GALNT2: variants seen among roughly 807,000 people sequenced by gnomAD.
GALNT2 encodes the protein polypeptide N-acetylgalactosaminyltransferase 2.
GALNT2 carries 31 observed loss-of-function variants against 81.4 expected under a neutral mutation model. The ratio of observed to expected loss-of-function variants is 0.38; its 90% CI spans 0.29 to 0.51. The LOEUF (loss-of-function observed/expected upper bound fraction) is 0.51. Ranked by LOEUF, GALNT2 falls within the 20% of genes least tolerant of loss-of-function variation. GALNT2 has a pLI of 0.87. For missense variants in GALNT2, 629 were observed against 765.7 expected, an observed-to-expected ratio of 0.82 and a Z score of 2.11; for synonymous variants, 303 against 287.4, an observed-to-expected ratio of 1.05 and a Z score of -0.55.
rs1660740959 is a variant in GALNT2 at position 230,112,734 on chromosome 1, G to C, written c.126+45328G>C. On this transcript the variant is annotated intron_variant, in intron 1 of 15. Transcript: ENST00000366672. Reference sequence around the variant, plus strand: ...GCGCAGTTGTGCTGCGGAGATTCCTGCTCTGCAGCTTGTCTGCTGTGGATT... The same window carrying C: ...GCGCAGTTGTGCTGCGGAGATTCCTCCTCTGCAGCTTGTCTGCTGTGGATT... Among the ~76,000 whole-genome samples the C allele has an allele frequency of 2.0e-5, 3 of 147,580 alleles. No homozygotes were observed. In the Admixed American group the frequency reaches 2.1e-4, roughly 11 times the overall value.
At position 230,223,913 on chromosome 1, in the gene GALNT2, A is replaced by G. The variant is rs2102725050; in HGVS notation, c.375-12101A>G. Among the ~76,000 whole-genome samples, 3 of 152,346 alleles carry G rather than the reference A, an allele frequency of 2.0e-5. No individual in the cohort carries two copies. In the Middle Eastern group the frequency reaches 0.01, roughly 518 times the overall value. On this transcript the variant is annotated intron_variant, in intron 3 of 15. Transcript: ENST00000366672. ...ACAATCAGAACTGCTCAGGGGTCCCACAGACTCCATTATCTGGCCCAGCTT... is the reference window on the plus strand; with the variant it reads ...ACAATCAGAACTGCTCAGGGGTCCCGCAGACTCCATTATCTGGCCCAGCTT...
At chr1:230,200,275 G>T (rs1362303761) in intron 2 of GALNT2, among the ~76,000 whole-genome samples, 1 of 152,100 alleles carries the variant, frequency 6.6e-6, no homozygotes, top group East Asian at 1.9e-4. Flanking sequence ...TGTTGGCCAG[G>T]CTGGTCTCGA....
intron 11 of GALNT2, chr1:230,259,419 C>T (rs997282680): frequency 1.3e-5 from 2 of 152,184 alleles, no homozygotes; most frequent in Non-Finnish European, 2.9e-5. Context: ...AAAGCAAAGG[C>T]GTCACTGTGA....
At chr1:230,142,545 C>T (rs1026373497) in intron 1 of GALNT2, among the ~76,000 whole-genome samples, 4 of 152,090 alleles carry the variant, frequency 2.6e-5, no homozygotes, top group Admixed American at 2.6e-4. Flanking sequence ...TACCTACCTC[C>T]TAGGGCTCTT....
At chr1:230,167,770 G>C (rs150964966) in intron 1 of GALNT2, among the ~76,000 whole-genome samples, 200 of 152,326 alleles carry the variant, frequency 1.3e-3, no homozygotes, top group African/African-American at 4.5e-3. Flanking sequence ...GGCTGACGAG[G>C]CTGCCTCCTG....
chr1:230,125,131 C>T (rs945529765), intron 1 of GALNT2, among the ~76,000 whole-genome samples: 4 of 152,236 alleles, frequency 2.6e-5, no homozygotes, highest in Admixed American at 6.5e-5. Flanking sequence ...GCTTCCCAAG[C>T]CTGGTTATGC....
At chr1:230,230,089 A>G (rs1421869665) in intron 3 of GALNT2, among the ~76,000 whole-genome samples, 2 of 152,196 alleles carry the variant, frequency 1.3e-5, no homozygotes, top group African/African-American at 2.4e-5. Context: ...TCTAAACTTT[A>G]TGCGTGAAAT....
chr1:230,265,024 T>C, intron 13 of GALNT2: 2 of 508,350 alleles, frequency 3.9e-6, no homozygotes, highest in South Asian at 6.3e-5. Flanking sequence ...AGAATACTTC[T>C]GCAACATACA....
rs184552473 is a variant in GALNT2, at chr1:230,239,042, T to A, written c.607+2317T>A. 2.9e-3 allele frequency among the ~76,000 whole-genome samples: 446 copies of A among 152,300 alleles called. 2 individuals are homozygous for A. Among genetic ancestry groups the A allele is most frequent in the African/African-American group, 0.01 (426 of 41,574 alleles). On this transcript the variant is annotated intron_variant, in intron 6 of 15. Coordinates refer to ENST00000366672, the MANE Select transcript of GALNT2 (RefSeq NM_004481.5). ...TATAGGCGTATTCAGATCTGCTGTTTCTTTTTGTGTCTGTTTCAAGAAATT... is the reference window on the plus strand; with the variant it reads ...TATAGGCGTATTCAGATCTGCTGTTACTTTTTGTGTCTGTTTCAAGAAATT...
upstream of GALNT2, among the ~76,000 whole-genome samples, chr1:230,063,224 T>C (rs1187839867): frequency 1.3e-5 from 2 of 150,498 alleles, no homozygotes; most frequent in African/African-American, 4.9e-5. Flanking sequence ...GGCAGGAGAA[T>C]GGCTTGACCC....
At chr1:230,255,149 G>C in intron 10 of GALNT2, 69 bp from the exon 11 acceptor site, 1 of 1,610,300 alleles carries the variant, frequency 6.2e-7, no homozygotes, top group East Asian at 2.2e-5. Flanking sequence ...GTACCTGCTT[G>C]GTGTGTCTGC....
intron 15 of GALNT2, among the ~76,000 whole-genome samples, chr1:230,278,768 T>G (rs1400887970): frequency 1.3e-5 from 2 of 152,176 alleles, no homozygotes; most frequent in African/African-American, 4.8e-5. Context: ...CAACCATCTC[T>G]CTTCCTGACA....
chr1:230,121,070 C>G (rs764417034), intron 1 of GALNT2, among the ~76,000 whole-genome samples: 1 of 152,208 alleles, frequency 6.6e-6, no homozygotes, highest in Non-Finnish European at 1.5e-5. Context: ...GGCCACGTAC[C>G]CTTTCCTGAT....
At chr1:230,267,059 T>C (rs1057428865) in intron 14 of GALNT2, among the ~76,000 whole-genome samples, 5 of 152,152 alleles carry the variant, frequency 3.3e-5, no homozygotes, top group African/African-American at 1.2e-4. Flanking sequence ...AACAGCTCTC[T>C]TCTCCTGATT....
At chr1:230,065,238 TCA>T (rs1659143760), upstream of GALNT2, among the ~76,000 whole-genome samples, 1 of 152,242 alleles carries the variant, frequency 6.6e-6, no homozygotes, top group African/African-American at 2.4e-5. Flanking sequence ...TTGCCATTCT[TCA>T]GTGTCCTTTT....
At chr1:230,234,084 TA>T (rs1038625778) in intron 3 of GALNT2, among the ~76,000 whole-genome samples, 1 of 152,186 alleles carries the variant, frequency 6.6e-6, no homozygotes, top group African/African-American at 2.4e-5. Context: ...ATTGAAAGAA[TA>T]CGTGAAAAGG....
Position 230,280,010 on chromosome 1 carries a change from A to T in GALNT2, c.*552A>T. 2 of 456,072 alleles carry T rather than the reference A, an allele frequency of 4.4e-6. No individual in the cohort carries two copies. Among genetic ancestry groups the T allele is most frequent in the Non-Finnish European group, 4.4e-6 (1 of 226,804 alleles). 28.3% of individuals were successfully genotyped at this position (456,072 alleles called of 1,614,324 possible). A position where few individuals can be genotyped will look rare whatever the true frequency, so the allele number is the denominator to read the frequency against. ...CCTGGGCCAGACTCCCCTCCACCTC[A>T]TGTACTTGCTATATTGAGGATGAAG... On this transcript the variant is annotated 3_prime_UTR_variant, in exon 16 of 16. Transcript: ENST00000366672.
At chr1:230,204,406 T>A (rs1006881817) in intron 3 of GALNT2, among the ~76,000 whole-genome samples, 2 of 152,166 alleles carry the variant, frequency 1.3e-5, no homozygotes, top group African/African-American at 2.4e-5. Context: ...AGACCTCAAG[T>A]GATCCGCCCG....
intron 1 of GALNT2, among the ~76,000 whole-genome samples, chr1:230,099,056 T>G (rs1660328978): frequency 6.6e-6 from 1 of 152,154 alleles, no homozygotes. Context: ...TCTGTCAGCT[T>G]CATGTAGCCA....
Sources: gnomAD v4.1 joint callset for allele counts (sites outside exome capture counted in the v4.1 genomes callset) on GRCh38, gnomAD v4.1.1 for gene constraint, MANE v1.5 for transcripts, NCBI Gene and HGNC (gene_info 2026-07-23, HGNC 2026-07-21) for gene names.